Variants in TM9SF2 observed in about 807,000 individuals in gnomAD.
The protein encoded by TM9SF2 is 76 kDa membrane protein.
Under a neutral mutation model 84.9 loss-of-function variants are expected in TM9SF2, and 13 were observed. The observed-to-expected ratio is 0.15, with a 90% confidence interval of 0.10 to 0.24. The LOEUF (loss-of-function observed/expected upper bound fraction) is 0.24. TM9SF2 is among the 10% of genes least tolerant of loss of function. TM9SF2 has a pLI of 1.00. For missense variants in TM9SF2, 562 were observed against 818.5 expected, an observed-to-expected ratio of 0.69 and a Z score of 3.82; for synonymous variants, 273 against 285.8, an observed-to-expected ratio of 0.96 and a Z score of 0.45.
intron 1 of TM9SF2, among the ~76,000 whole-genome samples, chr13:99,510,717 C>T (rs1212150296): frequency 6.6e-6 from 1 of 152,198 alleles, no homozygotes; most frequent in Non-Finnish European, 1.5e-5. Context: ...CCAGTCACCT[C>T]CCAGCAAGCT....
chr13:99,543,179 G>C (rs1277822101), intron 9 of TM9SF2, among the ~76,000 whole-genome samples: 2 of 152,102 alleles, frequency 1.3e-5, no homozygotes, highest in African/African-American at 4.8e-5. Flanking sequence ...TACAAAATGT[G>C]ATCTTCCCAT....
In TM9SF2 at chr13:99,536,737, T is replaced by A; in HGVS notation, c.591T>A (p.Ser197Arg). Residue 197 changes from serine to arginine, a missense_variant and splice_region_variant, in exon 5 of 17, where the codon AGT (serine) becomes AGA (arginine). Physicochemically the swap from Ser to Arg is moderately radical, Grantham distance 110. Around this residue, in one of 4 missense-constraint regions of TM9SF2, gnomAD observed 267 missense variants for 316.7 expected, o/e 0.84. Transcript: ENST00000376387. Reference protein sequence around the residue: ...KGHAKDACVISSDFHERDTFY... With the variant: ...KGHAKDACVIRSDFHERDTFY... ...ATGCAAAAGATGCCTGTGTTATTAG[T>A]GTAAGTTCATGATAAACTCTTTGCT... 2 of 1,613,094 alleles carry A rather than the reference T, an allele frequency of 1.2e-6. No homozygotes were observed. Among genetic ancestry groups the A allele is most frequent in the Non-Finnish European group, 1.7e-6 (2 of 1,179,390 alleles).
chr13:99,558,375 A>T (rs2046332468), intron 15 of TM9SF2, among the ~76,000 whole-genome samples: 1 of 152,230 alleles, frequency 6.6e-6, no homozygotes, highest in Non-Finnish European at 1.5e-5. Context: ...GGATTATTGG[A>T]ATTATGATAG....
intron 12 of TM9SF2, among the ~76,000 whole-genome samples, chr13:99,550,822 A>G (rs985527702): frequency 5.3e-5 from 8 of 152,234 alleles, no homozygotes; most frequent in Non-Finnish European, 1.2e-4. Flanking sequence ...AAAGAATCTT[A>G]TCTCTAATTC....
At chr13:99,515,239 T>C (rs61972541) in intron 1 of TM9SF2, among the ~76,000 whole-genome samples, 4,926 of 152,356 alleles carry the variant, frequency 0.032, 112 homozygotes, top group Middle Eastern at 0.12. Context: ...ACTAGTATTT[T>C]GGAGACCCTT....
chr13:99,562,992 G>A lies in TM9SF2; in HGVS notation c.*234G>A. 1 of 385,338 alleles carries A rather than the reference G, an allele frequency of 2.6e-6. No homozygotes were observed. The highest frequency in any genetic ancestry group is 4.6e-6 in the Non-Finnish European group (1 of 216,154). 23.9% of individuals were successfully genotyped at this position (385,338 alleles called of 1,614,324 possible). ...AAGTATATATTTGGTTGTTCTCAAT[G>A]AAGAGCAAATTTAAATATTATGTGC... On this transcript the variant is annotated 3_prime_UTR_variant, in exon 17 of 17. Coordinates refer to ENST00000376387, the MANE Select transcript of TM9SF2 (RefSeq NM_004800.3).
At chr13:99,538,419 C>CT (rs1323270743) in intron 6 of TM9SF2, among the ~76,000 whole-genome samples, 1 of 151,614 alleles carries the variant, frequency 6.6e-6, no homozygotes, top group Non-Finnish European at 1.5e-5. Flanking sequence ...TTGAATTAGC[C>CT]TTTTTCTCAT....
Position 99,543,914 on chromosome 13 carries a change from C to T in TM9SF2, c.1069C>T (p.Arg357Cys), listed in dbSNP as rs1566571100. 3.1e-6 allele frequency: 5 copies of T among 1,614,094 alleles called. No homozygotes were observed. Among genetic ancestry groups the T allele is most frequent in the Non-Finnish European group, 3.4e-6 (4 of 1,180,016 alleles). Residue 357 changes from arginine to cysteine, a missense_variant, in exon 10 of 17, where the codon CGT becomes TGT. This residue lies in a region of TM9SF2 where 219 missense variants were observed against 338.1 expected (regional missense o/e 0.65). Coordinates refer to ENST00000376387, the MANE Select transcript of TM9SF2 (RefSeq NM_004800.3). ...GAAACTTGTTCATGGTGATATATTC[C>T]GTCCTCCAAGAAAAGGGATGCTGCT... ...GWKLVHGDIF[R>C]PPRKGMLLSV...
intron 16 of TM9SF2, 128 bp downstream of exon 16, chr13:99,559,662 C>A: frequency 1.1e-6 from 1 of 871,126 alleles, no homozygotes; most frequent in South Asian, 1.9e-5. Context: ...GTCCTCAGCA[C>A]AACTAGGCAT....
At chr13:99,553,644 A>G (rs1237623250) in intron 13 of TM9SF2, among the ~76,000 whole-genome samples, 1 of 152,226 alleles carries the variant, frequency 6.6e-6, no homozygotes, top group Non-Finnish European at 1.5e-5. Context: ...CACAAAAACT[A>G]TAGAAGGATA....
At chr13:99,543,835 A>C (rs2046270901) in intron 9 of TM9SF2, 28 bp from the exon 10 acceptor site, 1 of 1,611,788 alleles carries the variant, frequency 6.2e-7, no homozygotes, top group Middle Eastern at 1.7e-4. Flanking sequence ...ACCATGAGAC[A>C]ATCGAACTGA....
intron 3 of TM9SF2, 59 bp from the exon 4 acceptor site, chr13:99,529,408 T>C: frequency 7.0e-7 from 1 of 1,432,802 alleles, no homozygotes; most frequent in Non-Finnish European, 9.2e-7. Context: ...ATTTGTGATA[T>C]TGGTATGAAA....
At chr13:99,517,160 C>G (rs1244989139) in intron 1 of TM9SF2, among the ~76,000 whole-genome samples, 1 of 152,108 alleles carries the variant, frequency 6.6e-6, no homozygotes, top group African/African-American at 2.4e-5. Flanking sequence ...GTCACCCAGG[C>G]TGGAGTGCAG....
At chr13:99,540,531 C>A (rs1175538556) in intron 7 of TM9SF2, 183 bp from the exon 8 acceptor site, 29 of 229,026 alleles carry the variant, frequency 1.3e-4, no homozygotes, top group East Asian at 3.7e-4. Context: ...TAATCTTACT[C>A]TGATTTCCCC....
At chr13:99,561,559 C>A (rs2046344943) in intron 16 of TM9SF2, among the ~76,000 whole-genome samples, 1 of 152,120 alleles carries the variant, frequency 6.6e-6, no homozygotes, top group Non-Finnish European at 1.5e-5. Flanking sequence ...ATTTGTATGT[C>A]CTCCAAAACA....
Position 99,517,641 on chromosome 13 carries a change from C to T in TM9SF2, c.199C>T (p.Leu67Phe). Residue 67 changes from leucine (L) to phenylalanine (F), a missense_variant, in exon 2 of 17, where the codon CTT (leucine) becomes TTT (phenylalanine). Transcript: ENST00000376387. Reference protein sequence around the residue: ...KAEIELFVNRLDSVESVLPYE... With the variant: ...KAEIELFVNRFDSVESVLPYE... The stretch of plus-strand genomic sequence containing the variant: ...CGAAATAGAACTATTTGTGAACAGA[C>T]TTGATTCAGTGGAATCAGTTCTTCC... 1 of 1,588,588 alleles carries T rather than the reference C, an allele frequency of 6.3e-7. No individual in the cohort carries two copies. The highest frequency in any genetic ancestry group is 8.6e-7 in the Non-Finnish European group (1 of 1,168,826).
Position 99,536,541 on chromosome 13 carries a change from T to A in TM9SF2, c.462-67T>A, listed in dbSNP as rs1566569083. 4.5e-6 allele frequency: 7 copies of A among 1,562,156 alleles called. No individual in the cohort carries two copies. In the East Asian group the frequency reaches 1.6e-4, roughly 35 times the overall value. ...AATTTTACAAAGTGATGACACTGAT[T>A]TGGGCAGTAATTCTTTGTCATGTTT... On this transcript the variant is annotated intron_variant, in intron 4 of 16. Transcript: ENST00000376387.
intron 1 of TM9SF2, 30 bp downstream of exon 1, chr13:99,501,807 C>T: frequency 1.9e-6 from 3 of 1,592,474 alleles, no homozygotes; most frequent in Non-Finnish European, 2.6e-6. Context: ...CCCTCTGATG[C>T]ACTGTTGGAA....
At chr13:99,521,415 C>T (rs1214775167) in intron 3 of TM9SF2, among the ~76,000 whole-genome samples, 2 of 152,226 alleles carry the variant, frequency 1.3e-5, no homozygotes, top group Non-Finnish European at 2.9e-5. Context: ...ACAGCTTCCT[C>T]TCCTGGCTTC....
Sources: gnomAD v4.1 joint callset for allele counts (sites outside exome capture counted in the v4.1 genomes callset) on GRCh38, gnomAD v4.1.1 for gene constraint, gnomAD v4.1.1 regional missense constraint, MANE v1.5 for transcripts, NCBI Gene and HGNC (gene_info 2026-07-23, HGNC 2026-07-21) for gene names.